Variants in FLT3 observed in about 807,000 individuals in gnomAD.
FLT3 encodes the protein receptor-type tyrosine-protein kinase FLT3.
FLT3 carries 46 observed loss-of-function variants against 126.6 expected under a neutral mutation model. The ratio of observed to expected loss-of-function variants is 0.36; its 90% CI spans 0.29 to 0.46. The LOEUF (loss-of-function observed/expected upper bound fraction) is 0.46. FLT3 is among the 20% of genes least tolerant of loss of function. FLT3 has a pLI of 1.00. For missense variants in FLT3, 1,069 were observed against 1,190.3 expected (o/e 0.90, Z 1.50); for synonymous variants, 404 against 434.4 (o/e 0.93, Z 0.87).
At chr13:28,061,677 G>C (rs886728392) in intron 3 of FLT3, among the ~76,000 whole-genome samples, 190 bp downstream of exon 3, 3 of 151,774 alleles carry the variant, frequency 2.0e-5, no homozygotes, top group African/African-American at 7.3e-5. Context: ...GGACTGGGGT[G>C]GGGGGATTAC....
At chr13:28,086,619 CGTGTGT>C (rs35797346) in intron 1 of FLT3, among the ~76,000 whole-genome samples, 2,971 of 134,780 alleles carry the variant, frequency 0.022, 47 homozygotes, top group African/African-American at 0.055. Context: ...CTGAAGAACT[CGTGTGT>C]GTGTGTGTGT....
intron 9 of FLT3, among the ~76,000 whole-genome samples, chr13:28,037,524 G>C (rs1169494962): frequency 6.6e-6 from 1 of 152,170 alleles, no homozygotes; most frequent in African/African-American, 2.4e-5. Flanking sequence ...CAAGATTTCA[G>C]GTCCCTTCCA....
chr13:28,050,521 G>GA (rs1440658192), intron 5 of FLT3, among the ~76,000 whole-genome samples: 1 of 151,722 alleles, frequency 6.6e-6, no homozygotes, highest in Non-Finnish European at 1.5e-5. Flanking sequence ...GAAAGAAAGG[G>GA]AAAAAAATGA....
chr13:28,067,855 T>C (rs1877167693), intron 2 of FLT3: 1 of 302,378 alleles, frequency 3.3e-6, no homozygotes, highest in Non-Finnish European at 6.5e-6. Context: ...CAACAACTCA[T>C]TCTCTAGAAG....
intron 1 of FLT3, among the ~76,000 whole-genome samples, chr13:28,075,257 A>T (rs1877849770): frequency 6.6e-6 from 1 of 152,144 alleles, no homozygotes; most frequent in Non-Finnish European, 1.5e-5. Context: ...ACATTTTTTC[A>T]TATATTTCAT....
intron 20 of FLT3, among the ~76,000 whole-genome samples, chr13:28,017,235 T>C (rs1034206188): frequency 2.0e-5 from 3 of 151,146 alleles, no homozygotes; most frequent in Non-Finnish European, 4.4e-5. Flanking sequence ...TGAGACAGGG[T>C]CTCAAAAAAA....
In FLT3 at chr13:28,023,397, A is replaced by G. The variant is rs1872563321; in HGVS notation, c.2371T>C (p.Phe791Leu). The G allele has an allele frequency of 6.2e-7, 1 of 1,613,942 alleles. No homozygotes were observed. ...ATTCCTTTGGCAACTTGATATGCAA[A>G]GCAAAGAAGATCTTCAAATGTAAGC... Reference protein sequence around the residue: ...NVLTFEDLLCFAYQVAKGMEF... With the variant: ...NVLTFEDLLCLAYQVAKGMEF... Residue 791 changes from phenylalanine (F) to leucine (L), a missense_variant, in exon 19 of 24, where the codon TTT (phenylalanine) becomes CTT (leucine). Phe to Leu is a conservative substitution (Grantham distance 22, BLOSUM62 0). Coordinates refer to ENST00000241453, the MANE Select transcript of FLT3 (RefSeq NM_004119.3).
chr13:28,060,628 G>A (rs987207404), intron 3 of FLT3, among the ~76,000 whole-genome samples: 4 of 150,942 alleles, frequency 2.7e-5, no homozygotes, highest in South Asian at 2.1e-4. Context: ...TTTTTGAGAC[G>A]GAGTCTCACT....
rs768962342 is a variant in FLT3 at position 28,055,883 on chromosome 13, C to T, written c.484+1464G>A. Among the ~76,000 whole-genome samples, 11 of 152,144 alleles carry T rather than the reference C, an allele frequency of 7.2e-5. No individual in the cohort carries two copies. In the South Asian group the frequency reaches 1.9e-3, roughly 26 times the overall value. ...GCACGTATTTACTGTCCCACAGAGG[C>T]GGTGAGGGACTAGAAAGGGGGCAGG... On this transcript the variant is annotated intron_variant, in intron 4 of 23. Coordinates refer to ENST00000241453, the MANE Select transcript of FLT3 (RefSeq NM_004119.3).
chr13:28,096,802 C>T (rs1879483316), intron 1 of FLT3, among the ~76,000 whole-genome samples: 1 of 152,094 alleles, frequency 6.6e-6, no homozygotes, highest in Non-Finnish European at 1.5e-5. Flanking sequence ...TAAAAGAAAG[C>T]ATACTGAAAT....
chr13:28,056,679 T>C (rs1002551838), intron 4 of FLT3, among the ~76,000 whole-genome samples: 3 of 152,208 alleles, frequency 2.0e-5, no homozygotes, highest in African/African-American at 4.8e-5. Flanking sequence ...AGTTTGCATA[T>C]GGTCTAGCAC....
Position 28,049,990 on chromosome 13 carries a change from T to C in FLT3, c.742+105A>G, listed in dbSNP as rs577490718. On this transcript the variant is annotated intron_variant, in intron 6 of 23. Transcript: ENST00000241453. ...CATTTACTGTGACCTGAAGGAATGATAGGATTTCTGAAGTTGAATGATCAC... is the reference window on the plus strand; with the variant it reads ...CATTTACTGTGACCTGAAGGAATGACAGGATTTCTGAAGTTGAATGATCAC... 2.3e-5 allele frequency: 30 copies of C among 1,316,608 alleles called. No individual in the cohort carries two copies. The South Asian group carries it at 3.8e-4, about 17-fold the overall frequency. 81.6% of individuals were successfully genotyped at this position (1,316,608 alleles called of 1,614,324 possible).
intron 19 of FLT3, among the ~76,000 whole-genome samples, chr13:28,021,060 C>T (rs907854908): frequency 6.6e-6 from 1 of 152,090 alleles, no homozygotes; most frequent in Non-Finnish European, 1.5e-5. Context: ...GCAAACCAGG[C>T]CAGACAATCT....
chr13:28,006,450 T>C (rs112692793), intron 23 of FLT3, among the ~76,000 whole-genome samples: 2,629 of 152,242 alleles, frequency 0.017, 41 homozygotes, highest in Non-Finnish European at 0.029. Flanking sequence ...TTTTGTGAAG[T>C]AGACATAGCA....
rs1035984279 is a variant in FLT3, at chr13:28,063,637, C to G, written c.166-1568G>C. ...CACACATATTTCTTCAGGTGAAGAG[C>G]AGGGTAGCTCTTCTGCTACCAGTCA... On this transcript the variant is annotated intron_variant, in intron 2 of 23. Coordinates refer to ENST00000241453, the MANE Select transcript of FLT3 (RefSeq NM_004119.3). 1.2e-4 allele frequency among the ~76,000 whole-genome samples: 18 copies of G among 151,828 alleles called. 1 individual carries two copies. The highest frequency in any genetic ancestry group is 8.5e-4 in the Admixed American group (13 of 15,216).
intron 1 of FLT3, among the ~76,000 whole-genome samples, chr13:28,082,086 C>T (rs1388078084): frequency 6.6e-6 from 1 of 151,786 alleles, no homozygotes; most frequent in African/African-American, 2.4e-5. Context: ...GAATTCCTGA[C>T]GTCAGGTGAT....
chr13:28,015,006 G>A (rs1871712053), intron 22 of FLT3, 151 bp downstream of exon 22: 4 of 595,870 alleles, frequency 6.7e-6, no homozygotes, highest in South Asian at 2.1e-5. Context: ...GACCAGCCTG[G>A]CCAACACAGC....
chr13:28,011,047 C>G (rs1228714865), intron 23 of FLT3, among the ~76,000 whole-genome samples: 2 of 150,684 alleles, frequency 1.3e-5, no homozygotes, highest in Non-Finnish European at 3.0e-5. Flanking sequence ...TGGGGTGGCT[C>G]ACGCCTGTAA....
rs1216374794 is a variant in FLT3 at position 28,033,899 on chromosome 13, T to C, written c.1930A>G (p.Lys644Glu). 1 of 1,614,004 alleles carries C rather than the reference T, an allele frequency of 6.2e-7. No individual in the cohort carries two copies. Among genetic ancestry groups the C allele is most frequent in the East Asian group, 2.2e-5 (1 of 44,878 alleles). Residue 644 changes from lysine to glutamate, a missense_variant, in exon 15 of 24, where the codon AAA becomes GAA. Transcript: ENST00000241453. ...CACTATACTGTACCTTTCAGCATTT[T>C]GACGGCAACCTGGATTGAGACTCCT... ...KTGVSIQVAV[K>E]MLKEKADSSE...
Sources: allele counts gnomAD v4.1 joint callset (sites outside exome capture counted in the v4.1 genomes callset), GRCh38; gene constraint gnomAD v4.1.1; transcripts MANE v1.5; gene names NCBI Gene and HGNC (gene_info 2026-07-23, HGNC 2026-07-21).